Variants in TRHDE observed in about 807,000 individuals in gnomAD.
TRHDE encodes thyrotropin-releasing hormone-degrading ectoenzyme.
Under a neutral mutation model 125.7 loss-of-function variants are expected in TRHDE, and 72 were observed. The ratio of observed to expected loss-of-function variants is 0.57; its 90% CI spans 0.47 to 0.70. The LOEUF is 0.70. TRHDE is among the 30% of genes least tolerant of loss of function. TRHDE has a pLI of 0.00. For synonymous variants in TRHDE, 509 were observed against 509.1 expected (o/e 1.00, Z 0.00); for missense variants, 1,110 against 1,327.1 (o/e 0.84, Z 2.54).
At chr12:72,633,436 T>C (rs1465543665) in intron 15 of TRHDE, among the ~76,000 whole-genome samples, 1 of 152,142 alleles carries the variant, frequency 6.6e-6, no homozygotes, top group Non-Finnish European at 1.5e-5. Context: ...CACAGGGCCA[T>C]TGCAGACTGT....
At chr12:72,169,649 G>A (rs997628043) in intron 2 of TRHDE, among the ~76,000 whole-genome samples, 8 of 151,964 alleles carry the variant, frequency 5.3e-5, no homozygotes, top group Non-Finnish European at 1.0e-4. Flanking sequence ...AAGCCTAGGA[G>A]TGCAAGACCA....
chr12:72,281,696 T>C (rs1879703606), intron 1 of TRHDE, among the ~76,000 whole-genome samples: 2 of 152,208 alleles, frequency 1.3e-5, no homozygotes, highest in South Asian at 4.1e-4. Context: ...CAAATGTTTG[T>C]TTCCTCTGCA....
chr12:72,215,521 C>G (rs1000189754), intron 2 of TRHDE, among the ~76,000 whole-genome samples: 13 of 152,174 alleles, frequency 8.5e-5, no homozygotes, highest in Non-Finnish European at 1.5e-4. Context: ...AGCTTAGGTT[C>G]TTAATTCATT....
intron 2 of TRHDE, among the ~76,000 whole-genome samples, chr12:72,136,869 G>A (rs1316907105): frequency 6.6e-6 from 1 of 152,132 alleles, no homozygotes; most frequent in East Asian, 1.9e-4. Context: ...ATGGTTGCTA[G>A]CTGATTGTAA....
At chr12:72,500,807 A>C (rs866434021) in intron 6 of TRHDE, among the ~76,000 whole-genome samples, 6 of 151,892 alleles carry the variant, frequency 4.0e-5, no homozygotes, top group African/African-American at 1.5e-4. Context: ...TGAACACACA[A>C]AAAATATTTT....
intron 7 of TRHDE, among the ~76,000 whole-genome samples, chr12:72,545,330 T>C (rs1232877075): frequency 6.6e-6 from 1 of 151,584 alleles, no homozygotes; most frequent in Non-Finnish European, 1.5e-5. Context: ...TTCTCATTTC[T>C]ATCTCCAGTT....
chr12:72,340,881 A>G (rs549616141), intron 2 of TRHDE, among the ~76,000 whole-genome samples: 1 of 152,242 alleles, frequency 6.6e-6, no homozygotes, highest in Admixed American at 6.5e-5. Context: ...AAGACAGAAT[A>G]TTGTGAATAA....
At position 72,126,973 on chromosome 12, in the gene TRHDE, A is replaced by T. The variant is rs1392662904; in HGVS notation, n.279+21221A>T. Among the ~76,000 whole-genome samples, 6 of 152,302 alleles carry T rather than the reference A, an allele frequency of 3.9e-5. No individual in the cohort carries two copies. In the East Asian group the frequency reaches 1.2e-3, roughly 29 times the overall value. On this transcript the variant is annotated intron_variant and non_coding_transcript_variant, in intron 2 of 4. Coordinates refer to the TRHDE transcript ENST00000548156. ...AATCTGACAAAGGTCTATTATCCAG[A>T]ATCAAAGGAACTTAAACAATTAAAC...
chr12:72,131,065 ATTTTT>A (rs757285511), intron 2 of TRHDE, among the ~76,000 whole-genome samples: 3,181 of 105,306 alleles, frequency 0.03, 40 homozygotes, highest in African/African-American at 0.072. Context: ...ACTTAATGTA[ATTTTT>A]TTTTTTTTTT....
chr12:72,277,919 T>G (rs2139415284), intron 1 of TRHDE, among the ~76,000 whole-genome samples: 1 of 152,276 alleles, frequency 6.6e-6, no homozygotes, highest in African/African-American at 2.4e-5. Context: ...AACAAATGCA[T>G]CATCTCATAT....
At position 72,665,873 on chromosome 12, in the gene TRHDE, A is replaced by G. The variant is rs542627489; in HGVS notation, c.*2678A>G. 8.5e-5 allele frequency: 13 copies of G among 152,092 alleles called. No individual in the cohort carries two copies. Among genetic ancestry groups the G allele is most frequent in the African/African-American group, 2.9e-4 (12 of 41,546 alleles). 9.4% of individuals were successfully genotyped at this position (152,092 alleles called of 1,614,324 possible). A position where few individuals can be genotyped will look rare whatever the true frequency, so the allele number is the denominator to read the frequency against. ...CCATTTTTACACATTTTTTCTTAAAATTTTTCTATAATCTTTGAAGTTTCT... is the reference window on the plus strand; with the variant it reads ...CCATTTTTACACATTTTTTCTTAAAGTTTTTCTATAATCTTTGAAGTTTCT... On this transcript the variant is annotated 3_prime_UTR_variant, in exon 19 of 19. Coordinates refer to ENST00000261180, the MANE Select transcript of TRHDE (RefSeq NM_013381.3).
intron 6 of TRHDE, among the ~76,000 whole-genome samples, chr12:72,540,755 T>C (rs576502292): frequency 5.0e-4 from 76 of 151,758 alleles, no homozygotes; most frequent in Admixed American, 5.0e-3. Context: ...CATAAATGCT[T>C]ATGTTTCATG....
At chr12:72,440,752 G>A (rs1201925494) in intron 3 of TRHDE, among the ~76,000 whole-genome samples, 2 of 151,822 alleles carry the variant, frequency 1.3e-5, no homozygotes, top group African/African-American at 4.8e-5. Flanking sequence ...TATTCTTAGT[G>A]GGAGGTGTGG....
chr12:72,324,811 G>GCCTA (rs1290925213), intron 2 of TRHDE, among the ~76,000 whole-genome samples: 3 of 152,076 alleles, frequency 2.0e-5, no homozygotes, highest in African/African-American at 7.2e-5. Flanking sequence ...TCAGAAGGAG[G>GCCTA]CCTATGACAC....
chr12:72,224,075 TATCC>T (rs1312825550), intron 2 of TRHDE, among the ~76,000 whole-genome samples: 24 of 67,478 alleles, frequency 3.6e-4, no homozygotes, highest in African/African-American at 6.0e-4. Flanking sequence ...CCTATCTATC[TATCC>T]ATCTATCTAT....
At chr12:72,656,896 A>G (rs770172337) in intron 17 of TRHDE, 31 bp from the exon 18 acceptor site, 1 of 1,416,198 alleles carries the variant, frequency 7.1e-7, no homozygotes, top group Non-Finnish European at 9.9e-7. Context: ...TATGACCTGC[A>G]TTGACATTAA....
intron 6 of TRHDE, among the ~76,000 whole-genome samples, chr12:72,516,973 C>T (rs903396014): frequency 6.6e-6 from 1 of 152,052 alleles, no homozygotes; most frequent in African/African-American, 2.4e-5. Flanking sequence ...TTGAACCAGC[C>T]TTGCATCCCA....
chr12:72,593,729 T>C (rs993650592), intron 12 of TRHDE, among the ~76,000 whole-genome samples: 1 of 151,836 alleles, frequency 6.6e-6, no homozygotes, highest in African/African-American at 2.4e-5. Flanking sequence ...TGTGTTCTCA[T>C]TGTTCAATTC....
chr12:72,447,478 C>T (rs1312516108), intron 3 of TRHDE, among the ~76,000 whole-genome samples: 2 of 152,026 alleles, frequency 1.3e-5, no homozygotes, highest in Non-Finnish European at 2.9e-5. Context: ...TCAATGTTGC[C>T]ATTCCAGGGC....
Sources: gnomAD v4.1 joint callset for allele counts (sites outside exome capture counted in the v4.1 genomes callset) on GRCh38, gnomAD v4.1.1 for gene constraint, MANE v1.5 for transcripts, NCBI Gene and HGNC (gene_info 2026-07-23, HGNC 2026-07-21) for gene names.